NUGGC: variants seen among roughly 807,000 people sequenced by gnomAD.
The protein encoded by NUGGC is nuclear GTPase SLIP-GC.
NUGGC carries 58 observed loss-of-function variants against 92.6 expected under a neutral mutation model. The ratio of observed to expected loss-of-function variants is 0.63; its 90% CI spans 0.51 to 0.78. The LOEUF (loss-of-function observed/expected upper bound fraction) is 0.78. NUGGC is among the 30% of genes least tolerant of loss of function. NUGGC has a pLI of 0.00. For missense variants in NUGGC, 925 were observed against 964.6 expected (o/e 0.96, Z 0.54); for synonymous variants, 376 against 366.4 (o/e 1.03, Z -0.30).
intron 2 of NUGGC, among the ~76,000 whole-genome samples, chr8:28,074,029 C>T (rs183385604): frequency 6.6e-5 from 10 of 151,312 alleles, no homozygotes; most frequent in Non-Finnish European, 1.5e-5. Flanking sequence ...GAACTCCTGA[C>T]GTCATGTGAT....
chr8:28,035,120 C>T (rs544058816), intron 13 of NUGGC, among the ~76,000 whole-genome samples: 174 of 152,280 alleles, frequency 1.1e-3, no homozygotes, highest in African/African-American at 4.1e-3. Context: ...TCTGTAGTTG[C>T]TTCTTCTGCT....
rs1033833059 is a variant in NUGGC at position 28,064,806 on chromosome 8, G to A, written c.712-75C>T. ...TTCACCCCGGTTGGCTGTGATGCAG[G>A]TTCATGGTAAGTATGCTGAGTAAGG... is the stretch of plus-strand genomic sequence containing the variant. On this transcript the variant is annotated intron_variant, in intron 6 of 18. Transcript: ENST00000413272. 6.3e-6 allele frequency: 8 copies of A among 1,276,876 alleles called. No individual in the cohort carries two copies. The African/African-American group carries it at 1.0e-4, about 16-fold the overall frequency. 79.1% of individuals were successfully genotyped at this position (1,276,876 alleles called of 1,614,324 possible). A position where few individuals can be genotyped will look rare whatever the true frequency, so the allele number is the denominator to read the frequency against.
chr8:28,028,750 G>C (rs1256718974), intron 17 of NUGGC, among the ~76,000 whole-genome samples: 4 of 152,240 alleles, frequency 2.6e-5, no homozygotes, highest in African/African-American at 9.6e-5. Context: ...AAAGCTGAAT[G>C]TGTGCTGGTT....
chr8:28,082,902 AAAAC>A (rs1258063483), intron 1 of NUGGC, among the ~76,000 whole-genome samples: 2 of 152,220 alleles, frequency 1.3e-5, no homozygotes, highest in African/African-American at 4.8e-5. Context: ...CGAAGCCTCA[AAAAC>A]AAACAAACCA....
intron 12 of NUGGC, 46 bp downstream of exon 12, chr8:28,045,481 C>T: frequency 6.4e-7 from 1 of 1,570,938 alleles, no homozygotes; most frequent in Non-Finnish European, 8.6e-7. Flanking sequence ...AAGGAAATGT[C>T]CTGCCCAGGA....
At chr8:28,059,822 G>C (rs748653239) in intron 8 of NUGGC, among the ~76,000 whole-genome samples, 4 of 152,108 alleles carry the variant, frequency 2.6e-5, no homozygotes, top group Admixed American at 6.5e-5. Context: ...CGGAGTTCAA[G>C]ACCACCCCGG....
chr8:28,045,459 C>A, intron 12 of NUGGC, 68 bp downstream of exon 12: 1 of 1,455,950 alleles, frequency 6.9e-7, no homozygotes, highest in Admixed American at 2.3e-5. Flanking sequence ...AGTTAATTTT[C>A]TAACTTGGTA....
chr8:28,074,302 G>T, intron 2 of NUGGC, 66 bp downstream of exon 2: 1 of 1,088,072 alleles, frequency 9.2e-7, no homozygotes, highest in Non-Finnish European at 1.4e-6. Context: ...CAACCTATTT[G>T]CCTTTTATCC....
At chr8:28,051,959 C>T (rs11777791) in intron 10 of NUGGC, among the ~76,000 whole-genome samples, 2 of 151,380 alleles carry the variant, frequency 1.3e-5, no homozygotes, top group African/African-American at 4.9e-5. Context: ...ACAAAAAAAA[C>T]CAAACTGGGT....
At chr8:28,057,760 C>T (rs549788032) in intron 9 of NUGGC, among the ~76,000 whole-genome samples, 25 of 152,212 alleles carry the variant, frequency 1.6e-4, no homozygotes, top group African/African-American at 5.5e-4. Flanking sequence ...TGCCAATCAA[C>T]AGTGGCTATT....
chr8:28,029,543 G>A (rs761005221), intron 16 of NUGGC, 141 bp from the exon 17 acceptor site: 4 of 850,668 alleles, frequency 4.7e-6, no homozygotes, highest in Non-Finnish European at 7.1e-6. Context: ...GAGGTCAGGA[G>A]TTCAAGACCA....
chr8:28,022,570 A>C lies in NUGGC; in HGVS notation c.*747T>G, dbSNP rs1360123032. The C allele has an allele frequency of 6.6e-6, 1 of 152,216 alleles. No homozygotes were observed. Among genetic ancestry groups the C allele is most frequent in the Non-Finnish European group, 1.5e-5 (1 of 68,034 alleles). The allele number at this position is 152,216 out of a possible 1,614,324, so 9.4% of individuals were successfully genotyped here. A position where few individuals can be genotyped will look rare whatever the true frequency, so the allele number is the denominator to read the frequency against. ...TAAAATAAAATGCAGTAAACATACT[A>C]GTTTTATATTGCATGCAAAGTCCAA... On this transcript the variant is annotated 3_prime_UTR_variant, in exon 19 of 19. Transcript: ENST00000413272.
chr8:28,041,293 G>A, intron 12 of NUGGC, 78 bp from the exon 13 acceptor site: 1 of 1,390,120 alleles, frequency 7.2e-7, no homozygotes, highest in Non-Finnish European at 9.8e-7. Flanking sequence ...CTTTCTTTAA[G>A]CTTGTCACCA....
At chr8:28,051,963 A>C (rs989190803) in intron 10 of NUGGC, among the ~76,000 whole-genome samples, 6 of 152,094 alleles carry the variant, frequency 3.9e-5, no homozygotes, top group Admixed American at 3.3e-4. Context: ...AAAAAACCAA[A>C]CTGGGTCAAG....
chr8:28,041,400 G>A (rs1204647337), intron 12 of NUGGC, among the ~76,000 whole-genome samples, 185 bp from the exon 13 acceptor site: 1 of 152,218 alleles, frequency 6.6e-6, no homozygotes, highest in South Asian at 2.1e-4. Flanking sequence ...TGTGGGGTTA[G>A]AGAATAGAAC....
At position 28,083,834 on chromosome 8, in the gene NUGGC, G is replaced by C. The variant is rs1049612601; in HGVS notation, c.-106C>G. 1 of 151,586 alleles carries C rather than the reference G, an allele frequency of 6.6e-6. No homozygotes were observed. The highest frequency in any genetic ancestry group is 2.4e-5 in the African/African-American group (1 of 41,246). The allele number at this position is 151,586 out of a possible 1,614,324, so 9.4% of individuals were successfully genotyped here. A position where few individuals can be genotyped will look rare whatever the true frequency, so the allele number is the denominator to read the frequency against. ...TCTGGTTTGGTTACAGGAGTCCACA[G>C]AGGAGATGGTGGCAGCTTCTCCTTG... On this transcript the variant is annotated 5_prime_UTR_variant, in exon 1 of 19. Transcript: ENST00000413272.
At chr8:28,045,721 T>G in intron 11 of NUGGC, 61 bp from the exon 12 acceptor site, 1 of 1,554,354 alleles carries the variant, frequency 6.4e-7, no homozygotes, top group South Asian at 1.2e-5. Context: ...TCAATAGAAT[T>G]CATAAAAGTT....
At chr8:28,045,861 C>T (rs936600350) in intron 11 of NUGGC, among the ~76,000 whole-genome samples, 2 of 152,130 alleles carry the variant, frequency 1.3e-5, no homozygotes, top group African/African-American at 4.8e-5. Context: ...AATGGTAGAT[C>T]AGCAATACTG....
At chr8:28,067,902 A>G (rs903448806) in intron 5 of NUGGC, among the ~76,000 whole-genome samples, 158 bp from the exon 6 acceptor site, 1 of 152,206 alleles carries the variant, frequency 6.6e-6, no homozygotes, top group South Asian at 2.1e-4. Context: ...TGGCTTGCCC[A>G]AAGTCTCATA....
Sources: gnomAD v4.1 joint callset for allele counts (sites outside exome capture counted in the v4.1 genomes callset) on GRCh38, gnomAD v4.1.1 for gene constraint, MANE v1.5 for transcripts, NCBI Gene and HGNC (gene_info 2026-07-23, HGNC 2026-07-21) for gene names.